Variants in ZNF506 observed in about 807,000 individuals in gnomAD.
ZNF506 encodes zinc finger protein 506.
In ZNF506, 10 loss-of-function variants were observed where a neutral mutation model predicts 11.6. That is an observed-to-expected ratio of 0.86 (90% CI 0.53 to 1.46). The LOEUF (loss-of-function observed/expected upper bound fraction) is 1.46, where lower values mean the gene tolerates loss of function less well. ZNF506 is among the 40% of genes most tolerant of loss of function. The pLI, the probability that ZNF506 is intolerant of heterozygous loss-of-function variation, is 0.00. For synonymous variants in ZNF506, 156 were observed against 173.3 expected, an observed-to-expected ratio of 0.90 and a Z score of 0.78; for missense variants, 425 against 521.2, an observed-to-expected ratio of 0.82 and a Z score of 1.80.
chr19:19,798,876 T>G (rs995394528), intron 3 of ZNF506: 1 of 152,056 alleles, frequency 6.6e-6, no homozygotes, highest in African/African-American at 2.4e-5. Context: ...GACATACTTC[T>G]AAAAAGGCTC....
In ZNF506 at chr19:19,795,627, G is replaced by A; in HGVS notation, c.260C>T (p.Ser87Leu). 2.6e-6 allele frequency: 4 copies of A among 1,520,846 alleles called. No homozygotes were observed. Among genetic ancestry groups the A allele is most frequent in the Non-Finnish European group, 3.5e-6 (4 of 1,138,230 alleles). 94.2% of individuals were successfully genotyped at this position (1,520,846 alleles called of 1,614,324 possible). Reference sequence around the variant, plus strand: ...GAAAGAATCTTTTATGCTCTGCTCTGACCAAAGGTCTTGGGCAAAATGAGA... The same window carrying A: ...GAAAGAATCTTTTATGCTCTGCTCTAACCAAAGGTCTTGGGCAAAATGAGA... ...MYSHFAQDLW[S>L]EQSIKDSFQK... Residue 87 changes from serine (S) to leucine (L), a missense_variant, in exon 4 of 4, where the codon TCA (serine) becomes TTA (leucine). Physicochemically the swap from Ser to Leu is moderately radical, Grantham distance 145. This residue lies in a region of ZNF506 where 226 missense variants were observed against 279.1 expected (regional missense o/e 0.81). Coordinates refer to ENST00000540806, the MANE Select transcript of ZNF506 (RefSeq NM_001099269.3).
intron 3 of ZNF506, among the ~76,000 whole-genome samples, chr19:19,802,135 G>A (rs1400794212): frequency 1.3e-5 from 2 of 150,816 alleles, no homozygotes; most frequent in African/African-American, 4.9e-5. Flanking sequence ...AAGCCAGGAG[G>A]TGGAGGTTGA....
At chr19:19,816,577 C>G (rs1024774391) in intron 1 of ZNF506, among the ~76,000 whole-genome samples, 2 of 152,134 alleles carry the variant, frequency 1.3e-5, no homozygotes, top group Non-Finnish European at 2.9e-5. Context: ...CCAGGATGGT[C>G]TCGATCTCCT....
At chr19:19,804,516 A>T (rs2062819682) in intron 3 of ZNF506, among the ~76,000 whole-genome samples, 1 of 152,232 alleles carries the variant, frequency 6.6e-6, no homozygotes, top group South Asian at 2.1e-4. Flanking sequence ...ATTGTGGAAG[A>T]CAGTGTGGCG....
At chr19:19,807,605 C>G (rs938525468) in intron 1 of ZNF506, among the ~76,000 whole-genome samples, 3 of 152,114 alleles carry the variant, frequency 2.0e-5, no homozygotes, top group African/African-American at 4.8e-5. Flanking sequence ...CTCCTGGGTA[C>G]AAGCAATTCT....
At chr19:19,801,214 G>A (rs2062789978) in intron 3 of ZNF506, among the ~76,000 whole-genome samples, 1 of 152,084 alleles carries the variant, frequency 6.6e-6, no homozygotes, top group Non-Finnish European at 1.5e-5. Flanking sequence ...AACCTGGCCG[G>A]GTGCCGTGGC....
intron 3 of ZNF506, among the ~76,000 whole-genome samples, chr19:19,805,494 G>A (rs1042149075): frequency 6.6e-6 from 1 of 151,590 alleles, no homozygotes; most frequent in Non-Finnish European, 1.5e-5. Context: ...AATAAACTTT[G>A]ACTAGCCAAA....
rs1482064567 is a variant in ZNF506, at chr19:19,795,231, T to C, written c.656A>G (p.His219Arg). The change falls in exon 4 of 4, where the codon CAT becomes CGT. Residue 219 changes from histidine to arginine, a missense_variant. Coordinates refer to ENST00000540806, the MANE Select transcript of ZNF506 (RefSeq NM_001099269.3). ...AYKQSSHLTT[H>R]KKIHTGEKPY... ...TTTCTCTCCAGTATGAATTTTCTTATGTGTAGTAAGGTGTGAGGACTGCTT... is the reference window on the plus strand; with the variant it reads ...TTTCTCTCCAGTATGAATTTTCTTACGTGTAGTAAGGTGTGAGGACTGCTT... 2 of 1,613,890 alleles carry C rather than the reference T, an allele frequency of 1.2e-6. No homozygotes were observed. The highest frequency in any genetic ancestry group is 1.7e-5 in the Admixed American group (1 of 60,008).
chr19:19,814,809 T>C (rs914990072), intron 1 of ZNF506, among the ~76,000 whole-genome samples: 2 of 152,152 alleles, frequency 1.3e-5, no homozygotes, highest in Admixed American at 1.3e-4. Context: ...TATTTCCGTG[T>C]GCATGCAGGC....
chr19:19,798,532 G>T (rs1262517546), intron 3 of ZNF506: 1 of 148,466 alleles, frequency 6.7e-6, no homozygotes, highest in African/African-American at 2.5e-5. Flanking sequence ...GTGGGCGCCG[G>T]TAGTTCCAGC....
At position 19,794,365 on chromosome 19, in the gene ZNF506, T is replaced by TG. The variant is rs1172804575; in HGVS notation, c.*186dup. ...TAGGCTTTGCCATATTCTTCACACTTGTAGGGTTTCTGTCCAGTATAAATT... is the reference window on the plus strand; with the variant it reads ...TAGGCTTTGCCATATTCTTCACACTTGGTAGGGTTTCTGTCCAGTATAAATT... On this transcript the variant is annotated 3_prime_UTR_variant, in exon 4 of 4. Transcript: ENST00000540806. 1.7e-6 allele frequency: 1 copy of TG among 588,998 alleles called. No homozygotes were observed. Among genetic ancestry groups the TG allele is most frequent in the Non-Finnish European group, 2.9e-6 (1 of 348,684 alleles). 36.5% of individuals were successfully genotyped at this position (588,998 alleles called of 1,614,324 possible).
chr19:19,807,146 G>C lies in ZNF506; in HGVS notation c.4-78C>G. On this transcript the variant is annotated intron_variant, in intron 1 of 3. Transcript: ENST00000540806. ...TAATTTGACTTCAGGTGAAATGAGAGAGTAAAGAGAAGTGGTTCTGACTTA... is the reference window on the plus strand; with the variant it reads ...TAATTTGACTTCAGGTGAAATGAGACAGTAAAGAGAAGTGGTTCTGACTTA... The C allele has an allele frequency of 3.1e-6, 5 of 1,597,312 alleles. No individual in the cohort carries two copies. The South Asian group carries it at 5.6e-5, about 18-fold the overall frequency.
chr19:19,817,721 A>G (rs529946681), intron 1 of ZNF506, among the ~76,000 whole-genome samples: 1 of 152,282 alleles, frequency 6.6e-6, no homozygotes, highest in East Asian at 1.9e-4. Flanking sequence ...ACTAGGTTCA[A>G]GCTTTAATTT....
In ZNF506 at chr19:19,795,243, T is replaced by A. The variant is rs1178315119; in HGVS notation, c.644A>T (p.His215Leu). The change falls in exon 4 of 4, where the codon CAC becomes CTC. Residue 215 changes from histidine (H) to leucine (L), a missense_variant. This residue lies in a region of ZNF506 where 226 missense variants were observed against 279.1 expected (regional missense o/e 0.81). Transcript: ENST00000540806. ...ECGKAYKQSS[H>L]LTTHKKIHTG... ...ATGAATTTTCTTATGTGTAGTAAGG[T>A]GTGAGGACTGCTTATAGGCTTTACC... 6.2e-7 allele frequency: 1 copy of A among 1,613,852 alleles called. No homozygotes were observed. Among genetic ancestry groups the A allele is most frequent in the Non-Finnish European group, 8.5e-7 (1 of 1,179,946 alleles).
intron 1 of ZNF506, among the ~76,000 whole-genome samples, chr19:19,817,328 G>GA (rs2062940802): frequency 1.3e-5 from 2 of 152,068 alleles, no homozygotes; most frequent in Non-Finnish European, 2.9e-5. Context: ...CCCTAGGAAA[G>GA]AAAGTGTTTT....
intron 1 of ZNF506, among the ~76,000 whole-genome samples, chr19:19,808,115 T>A (rs960262259): frequency 1.1e-4 from 7 of 65,462 alleles, no homozygotes; most frequent in Admixed American, 1.9e-4. Context: ...CCACTTTTTT[T>A]TTTTTTTTTT....
chr19:19,802,484 A>G (rs2062803305), intron 3 of ZNF506, among the ~76,000 whole-genome samples: 1 of 151,900 alleles, frequency 6.6e-6, no homozygotes, highest in African/African-American at 2.4e-5. Flanking sequence ...ATTGTTAAAT[A>G]AAAAATATAT....
chr19:19,805,124 CAATA>C (rs970382987), intron 3 of ZNF506, among the ~76,000 whole-genome samples: 8 of 151,614 alleles, frequency 5.3e-5, no homozygotes, highest in African/African-American at 1.9e-4. Context: ...CTGTCTAAAC[CAATA>C]AATACACTAA....
rs73528905 is a variant in ZNF506 at position 19,802,320 on chromosome 19, A to T, written c.226+3711T>A. On this transcript the variant is annotated intron_variant, in intron 3 of 3. Coordinates refer to ENST00000540806, the MANE Select transcript of ZNF506 (RefSeq NM_001099269.3). ...ATGCACTGTGTGGCAGTAAAATTTC[A>T]GAGAATATATGCAGTGTAATTATAC... Among the ~76,000 whole-genome samples, 494 of 152,312 alleles carry T rather than the reference A, an allele frequency of 3.2e-3. 3 individuals are homozygous for T. The highest frequency in any genetic ancestry group is 0.011 in the African/African-American group (443 of 41,562).
Sources: allele counts gnomAD v4.1 joint callset (sites outside exome capture counted in the v4.1 genomes callset), GRCh38; gene constraint gnomAD v4.1.1; regional missense constraint gnomAD v4.1.1; transcripts MANE v1.5; gene names NCBI Gene and HGNC (gene_info 2026-07-23, HGNC 2026-07-21).